C12orf42: variants seen among roughly 807,000 people sequenced by gnomAD.
The protein encoded by C12orf42 is chromosome 12 open reading frame 42.
In C12orf42, 25 loss-of-function variants were observed where a neutral mutation model predicts 21.6. The observed-to-expected ratio is 1.16, with a 90% CI of 0.84 to 1.62. C12orf42 has a LOEUF of 1.62. C12orf42 is among the 40% of genes most tolerant of loss of function. C12orf42 has a pLI of 0.00. For synonymous variants in C12orf42, 174 were observed against 175.0 expected (o/e 0.99, Z 0.05); for missense variants, 483 against 459.3 (o/e 1.05, Z -0.47).
chr12:103,554,368 G>A, the C12orf42 span, among the ~76,000 whole-genome samples: 2 of 152,110 alleles, frequency 1.3e-5, no homozygotes, highest in African/African-American at 2.4e-5. Flanking sequence ...AAAATAAAAG[G>A]TTTGTGCTAG....
At chr12:103,490,704 A>T (rs1031539964) in intron 1 of C12orf42, among the ~76,000 whole-genome samples, 1 of 151,906 alleles carries the variant, frequency 6.6e-6, no homozygotes, top group Non-Finnish European at 1.5e-5. Context: ...AGTGTTTTTC[A>T]TTAAGTATGA....
the C12orf42 span, among the ~76,000 whole-genome samples, chr12:103,228,685 A>G: frequency 1.3e-5 from 2 of 152,058 alleles, no homozygotes; most frequent in Non-Finnish European, 2.9e-5. Flanking sequence ...TTCTATACAA[A>G]TGTAAATTTA....
Position 103,340,187 on chromosome 12 carries a change from G to A in C12orf42, c.259+28700C>T, listed in dbSNP as rs115966680. Among the ~76,000 whole-genome samples the A allele has an allele frequency of 4.6e-3, 698 of 152,288 alleles. 2 individuals are homozygous for A. The highest frequency in any genetic ancestry group is 0.016 in the African/African-American group (654 of 41,546). Reference sequence around the variant, plus strand: ...TGGTGAAAAATACTAAGAGAAGAGCGCTAAAGAGAGTGAGTTCTCCAGGAG... The same window carrying A: ...TGGTGAAAAATACTAAGAGAAGAGCACTAAAGAGAGTGAGTTCTCCAGGAG... On this transcript the variant is annotated intron_variant, in intron 4 of 5. Coordinates refer to ENST00000548883, the MANE Select transcript of C12orf42 (RefSeq NM_198521.5).
chr12:103,116,961 G>A, the C12orf42 span, among the ~76,000 whole-genome samples: 2 of 152,096 alleles, frequency 1.3e-5, no homozygotes, highest in African/African-American at 4.8e-5. Context: ...GGAAACATTT[G>A]TTTCCATACA....
intron 10 of C12orf42, among the ~76,000 whole-genome samples, chr12:103,258,971 G>GA (rs1162085046): frequency 2.0e-5 from 3 of 152,034 alleles, no homozygotes; most frequent in Non-Finnish European, 2.9e-5. Flanking sequence ...TCACATAAGA[G>GA]AAAAAATGGC....
At chr12:103,539,848 G>A in the C12orf42 span, among the ~76,000 whole-genome samples, 1 of 151,726 alleles carries the variant, frequency 6.6e-6, no homozygotes, top group Non-Finnish European at 1.5e-5. Context: ...CAAAGTGCAG[G>A]GACTACAGGC....
chr12:103,447,074 C>T (rs983937750), intron 2 of C12orf42, among the ~76,000 whole-genome samples: 19 of 151,910 alleles, frequency 1.3e-4, no homozygotes, highest in Admixed American at 2.6e-4. Flanking sequence ...TGGTCATCAG[C>T]ACATGGAACA....
chr12:103,290,847 T>A (rs1476842837), intron 4 of C12orf42, among the ~76,000 whole-genome samples: 5 of 150,974 alleles, frequency 3.3e-5, no homozygotes, highest in African/African-American at 7.3e-5. Flanking sequence ...ACATACAAAG[T>A]GGAATAATGA....
downstream of C12orf42, among the ~76,000 whole-genome samples, chr12:103,234,593 A>G (rs757599162): frequency 6.6e-6 from 1 of 152,176 alleles, no homozygotes; most frequent in Non-Finnish European, 1.5e-5. Context: ...TACATCTTAC[A>G]TTAAATTTAC....
chr12:103,455,751 GCT>G (rs1203853943), intron 2 of C12orf42, among the ~76,000 whole-genome samples: 1 of 152,088 alleles, frequency 6.6e-6, no homozygotes, highest in Non-Finnish European at 1.5e-5. Flanking sequence ...ATGCTGCCAG[GCT>G]TAGAATAAGT....
chr12:103,520,158 G>C, the C12orf42 span, among the ~76,000 whole-genome samples: 1 of 152,096 alleles, frequency 6.6e-6, no homozygotes, highest in Non-Finnish European at 1.5e-5. Context: ...ATGATGTATG[G>C]TGTGCCTGTA....
chr12:103,431,662 G>A (rs968365995), intron 2 of C12orf42, among the ~76,000 whole-genome samples: 1 of 152,188 alleles, frequency 6.6e-6, no homozygotes, highest in Admixed American at 6.5e-5. Context: ...CACAATAAGT[G>A]CTTAAGAAAT....
chr12:103,507,379 T>C, the C12orf42 span, among the ~76,000 whole-genome samples: 3 of 137,760 alleles, frequency 2.2e-5, no homozygotes, highest in African/African-American at 8.3e-5. Context: ...GGCATAAAAG[T>C]GGAAAATAGG....
At chr12:103,162,397 A>G in the C12orf42 span, among the ~76,000 whole-genome samples, 125 of 152,190 alleles carry the variant, frequency 8.2e-4, no homozygotes, top group African/African-American at 2.9e-3. Context: ...TGCAGGGCCC[A>G]CTTTGCAAGG....
intron 2 of C12orf42, among the ~76,000 whole-genome samples, chr12:103,468,979 A>G (rs1210949100): frequency 6.6e-6 from 1 of 152,228 alleles, no homozygotes; most frequent in Non-Finnish European, 1.5e-5. Flanking sequence ...GCCTTCAACC[A>G]AGGGCCACAT....
chr12:103,523,564 T>C, the C12orf42 span, among the ~76,000 whole-genome samples: 1 of 151,418 alleles, frequency 6.6e-6, no homozygotes, highest in Non-Finnish European at 1.5e-5. Flanking sequence ...TATATGTATA[T>C]ATAGTGTTCA....
intron 4 of C12orf42, among the ~76,000 whole-genome samples, chr12:103,330,377 T>C (rs1249921587): frequency 6.6e-6 from 1 of 152,184 alleles, no homozygotes; most frequent in Admixed American, 6.5e-5. Flanking sequence ...GGGAGTTCCA[T>C]TGGAGGTACG....
At chr12:103,441,668 G>C (rs1368780475) in intron 2 of C12orf42, 1 of 152,128 alleles carries the variant, frequency 6.6e-6, no homozygotes, top group African/African-American at 2.4e-5. Context: ...AAAGCAAGCT[G>C]TCTTCAAGAT....
At chr12:103,155,183 C>T in the C12orf42 span, 1 of 152,170 alleles carries the variant, frequency 6.6e-6, no homozygotes, top group Non-Finnish European at 1.5e-5. Context: ...ACAATTACCT[C>T]CTAAATTATT....
Sources: gnomAD v4.1 joint callset for allele counts (sites outside exome capture counted in the v4.1 genomes callset) on GRCh38, gnomAD v4.1.1 for gene constraint, MANE v1.5 for transcripts, NCBI Gene and HGNC (gene_info 2026-07-23, HGNC 2026-07-21) for gene names.